The following SLC30A6 variants were observed in gnomAD, a reference collection of about 807,000 sequenced individuals.
SLC30A6 encodes zinc transporter 6.
A neutral mutation model predicts 63.0 loss-of-function variants in SLC30A6; 55 were observed. That is an observed-to-expected ratio of 0.87 (90% CI 0.70 to 1.09). The LOEUF is 1.09. Among genes scored for constraint, SLC30A6 ranks in the 50% least tolerant of loss-of-function variants. The pLI, the probability that SLC30A6 is intolerant of heterozygous loss-of-function variation, is 0.00. For synonymous variants in SLC30A6, 224 were observed against 186.1 expected, an observed-to-expected ratio of 1.20 and a Z score of -1.66; for missense variants, 587 against 549.2, an observed-to-expected ratio of 1.07 and a Z score of -0.69.
At chr2:32,182,889 A>G (rs1236363077) in intron 4 of SLC30A6, among the ~76,000 whole-genome samples, 6 of 152,010 alleles carry the variant, frequency 3.9e-5, no homozygotes, top group African/African-American at 7.2e-5. Context: ...GGGTCATGTT[A>G]AGAACATACC....
chr2:32,207,451 A>G (rs1385070318), intron 12 of SLC30A6, among the ~76,000 whole-genome samples: 3 of 151,392 alleles, frequency 2.0e-5, no homozygotes, highest in Non-Finnish European at 4.4e-5. Context: ...GTCTTGGCTC[A>G]CTGCAACCTC....
intron 1 of SLC30A6, among the ~76,000 whole-genome samples, chr2:32,170,850 C>T (rs1412310353): frequency 2.0e-5 from 3 of 152,202 alleles, no homozygotes; most frequent in Non-Finnish European, 4.4e-5. Flanking sequence ...CCCTCTGCCT[C>T]GGCCTCCCAA....
At chr2:32,184,756 C>T (rs2148831363) in intron 5 of SLC30A6, among the ~76,000 whole-genome samples, 1 of 152,028 alleles carries the variant, frequency 6.6e-6, no homozygotes, top group African/African-American at 2.4e-5. Flanking sequence ...CAGAGCAAGA[C>T]TCCTTCTCAA....
intron 13 of SLC30A6, among the ~76,000 whole-genome samples, chr2:32,219,670 A>C (rs989248768): frequency 7.9e-5 from 12 of 151,270 alleles, no homozygotes; most frequent in African/African-American, 2.9e-4. Context: ...TCCTGACCTC[A>C]GGTAATCCAC....
intron 4 of SLC30A6, among the ~76,000 whole-genome samples, chr2:32,183,973 A>T (rs1351601958): frequency 6.6e-6 from 1 of 152,182 alleles, no homozygotes; most frequent in Non-Finnish European, 1.5e-5. Context: ...AGGGTGAATA[A>T]CATTGTGTAG....
chr2:32,212,459 A>G (rs918414382), intron 13 of SLC30A6, among the ~76,000 whole-genome samples: 3 of 152,094 alleles, frequency 2.0e-5, no homozygotes, highest in East Asian at 1.9e-4. Flanking sequence ...TTTCCTGAAC[A>G]TTAAAATTAG....
chr2:32,201,326 A>T (rs1172290753), intron 10 of SLC30A6, among the ~76,000 whole-genome samples: 1 of 152,180 alleles, frequency 6.6e-6, no homozygotes, highest in Non-Finnish European at 1.5e-5. Flanking sequence ...TGAATTGTTG[A>T]TGTTGACTAC....
chr2:32,197,709 T>C lies in SLC30A6; in HGVS notation c.548T>C (p.Leu183Ser). 6.2e-7 allele frequency: 1 copy of C among 1,614,106 alleles called. No individual in the cohort carries two copies. The highest frequency in any genetic ancestry group is 8.5e-7 in the Non-Finnish European group (1 of 1,180,000). Residue 183 changes from leucine to serine, a missense_variant and splice_region_variant, in exon 10 of 14, where the codon TTG (leucine) becomes TCG (serine). Coordinates refer to ENST00000282587, the MANE Select transcript of SLC30A6 (RefSeq NM_017964.5). ...QEHVADLSRS[L>S]CGIIPGLSSI... ...TCTTTCTGTTTGTTTTTTCTTAGCT[T>C]GTGTGGAATTATTCCGGGACTTAGC...
intron 12 of SLC30A6, among the ~76,000 whole-genome samples, chr2:32,208,221 C>T (rs1684951271): frequency 6.6e-6 from 1 of 151,708 alleles, no homozygotes; most frequent in Non-Finnish European, 1.5e-5. Context: ...ACCTCCGCCT[C>T]CTGAGTTCAA....
chr2:32,209,218 G>C (rs1453971483), intron 12 of SLC30A6, among the ~76,000 whole-genome samples: 1 of 152,218 alleles, frequency 6.6e-6, no homozygotes, highest in Non-Finnish European at 1.5e-5. Flanking sequence ...CACTGTTGAA[G>C]AAATTGGTTG....
chr2:32,204,132 A>T, intron 10 of SLC30A6: 1 of 377,780 alleles, frequency 2.6e-6, no homozygotes, highest in Non-Finnish European at 4.7e-6. Context: ...ATATTTTTTT[A>T]AAAAGTATTT....
intron 5 of SLC30A6, 48 bp downstream of exon 5, chr2:32,184,386 A>G (rs757364059): frequency 9.2e-7 from 1 of 1,088,908 alleles, no homozygotes; most frequent in Admixed American, 2.5e-5. Context: ...CTACTAAAAT[A>G]TTATTTATAG....
chr2:32,166,681 C>T (rs1680689134), intron 1 of SLC30A6, among the ~76,000 whole-genome samples: 1 of 152,168 alleles, frequency 6.6e-6, no homozygotes, highest in African/African-American at 2.4e-5. Flanking sequence ...TTATGGAGTA[C>T]TTATTGATAG....
intron 10 of SLC30A6, among the ~76,000 whole-genome samples, chr2:32,200,055 TTA>T (rs1265150167): frequency 6.6e-6 from 1 of 151,064 alleles, no homozygotes; most frequent in Non-Finnish European, 1.5e-5. Flanking sequence ...GTGGAGGAGG[TTA>T]TATATATATG....
At chr2:32,195,525 A>G (rs977448928) in intron 8 of SLC30A6, among the ~76,000 whole-genome samples, 1 of 151,670 alleles carries the variant, frequency 6.6e-6, no homozygotes, top group Admixed American at 6.6e-5. Context: ...CTCTATAATC[A>G]GCCTCTTTAG....
intron 11 of SLC30A6, among the ~76,000 whole-genome samples, chr2:32,205,616 C>T (rs1684688295): frequency 1.4e-5 from 2 of 142,498 alleles, no homozygotes; most frequent in Admixed American, 1.4e-4. Context: ...GACAAAATCA[C>T]AAATTTAAAG....
chr2:32,172,131 A>T (rs1334549442), intron 2 of SLC30A6, among the ~76,000 whole-genome samples: 1 of 152,226 alleles, frequency 6.6e-6, no homozygotes, highest in African/African-American at 2.4e-5. Context: ...TGTTGTCTAA[A>T]TGATAAACTC....
rs1686133151 is a variant in SLC30A6, at chr2:32,221,333, T to G, written c.*620T>G. 6.5e-6 allele frequency: 1 copy of G among 153,522 alleles called. No individual in the cohort carries two copies. Among genetic ancestry groups the G allele is most frequent in the Non-Finnish European group, 1.4e-5 (1 of 69,076 alleles). 9.5% of individuals were successfully genotyped at this position (153,522 alleles called of 1,614,324 possible). A position where few individuals can be genotyped will look rare whatever the true frequency, so the allele number is the denominator to read the frequency against. ...TGCCACCACGCCCAGCTAATTTTTG[T>G]ATTTTTAGTAAAGACGGGGGATTTC... On this transcript the variant is annotated 3_prime_UTR_variant, in exon 14 of 14. Transcript: ENST00000282587.
At chr2:32,172,099 T>TA (rs1333623496) in intron 2 of SLC30A6, among the ~76,000 whole-genome samples, 3 of 152,234 alleles carry the variant, frequency 2.0e-5, no homozygotes, top group African/African-American at 7.2e-5. Context: ...ACCTTCTAGT[T>TA]ACTGTGTTTC....
Sources: allele counts gnomAD v4.1 joint callset (sites outside exome capture counted in the v4.1 genomes callset), GRCh38; gene constraint gnomAD v4.1.1; transcripts MANE v1.5; gene names NCBI Gene and HGNC (gene_info 2026-07-23, HGNC 2026-07-21).